N4BP2L2: variants seen among roughly 807,000 people sequenced by gnomAD.
N4BP2L2 encodes NEDD4 binding protein 2 like 2, also known as NEDD4-binding protein 2-like 2.
N4BP2L2 carries 50 observed loss-of-function variants against 56.2 expected under a neutral mutation model. The ratio of observed to expected loss-of-function variants is 0.89; its 90% confidence interval spans 0.71 to 1.13. N4BP2L2 has a LOEUF of 1.13. Ranked by LOEUF, N4BP2L2 falls within the 50% of genes most tolerant of loss-of-function variation. The pLI is 0.00. For missense variants in N4BP2L2, 689 were observed against 693.8 expected (o/e 0.99, Z 0.08); for synonymous variants, 203 against 223.6 (o/e 0.91, Z 0.82).
At chr13:32,489,851 GCTCA>G (rs1014021403) in intron 6 of N4BP2L2, among the ~76,000 whole-genome samples, 2 of 150,950 alleles carry the variant, frequency 1.3e-5, no homozygotes, top group South Asian at 2.1e-4. Flanking sequence ...GATACCTACT[GCTCA>G]CTAAGAAAAA....
chr13:32,463,456 G>C (rs1481992049), intron 6 of N4BP2L2, among the ~76,000 whole-genome samples: 1 of 152,010 alleles, frequency 6.6e-6, no homozygotes, highest in Non-Finnish European at 1.5e-5. Flanking sequence ...CTGAGGTCAG[G>C]AGTTCAAGAC....
At chr13:32,530,821 G>T (rs2054541391) in intron 2 of N4BP2L2, among the ~76,000 whole-genome samples, 1 of 150,842 alleles carries the variant, frequency 6.6e-6, no homozygotes, top group Non-Finnish European at 1.5e-5. Context: ...CAGTATGCTT[G>T]GATTTAGTCC....
intron 6 of N4BP2L2, among the ~76,000 whole-genome samples, chr13:32,450,630 G>GT (rs1278717825): frequency 1.5e-5 from 1 of 67,482 alleles, no homozygotes; most frequent in Non-Finnish European, 2.5e-5. Context: ...GGCTTTTTTT[G>GT]TTTTTGTTTT....
intron 6 of N4BP2L2, among the ~76,000 whole-genome samples, chr13:32,465,302 G>A (rs1272541473): frequency 1.3e-5 from 2 of 152,014 alleles, no homozygotes; most frequent in African/African-American, 2.4e-5. Flanking sequence ...GTTGGTGGGG[G>A]TATAAAAAAG....
At chr13:32,454,771 C>G (rs892792843) in intron 6 of N4BP2L2, among the ~76,000 whole-genome samples, 4 of 152,122 alleles carry the variant, frequency 2.6e-5, no homozygotes, top group Non-Finnish European at 4.4e-5. Context: ...AAAGAAGACT[C>G]AAAATAACAA....
chr13:32,522,393 T>G, intron 3 of N4BP2L2, 123 bp from the exon 4 acceptor site: 6 of 528,818 alleles, frequency 1.1e-5, no homozygotes, highest in East Asian at 6.9e-5. Context: ...GTGCAATCTC[T>G]TCAGTCAGTA....
intron 6 of N4BP2L2, among the ~76,000 whole-genome samples, chr13:32,468,836 G>C (rs1453199645): frequency 6.6e-6 from 1 of 152,230 alleles, no homozygotes; most frequent in Non-Finnish European, 1.5e-5. Context: ...ATAGACAGGG[G>C]AGAGCCAGCT....
intron 8 of N4BP2L2, chr13:32,436,437 T>C (rs981068544): frequency 9.8e-7 from 1 of 1,019,742 alleles, no homozygotes; most frequent in Non-Finnish European, 1.4e-6. Flanking sequence ...CATAAAATAT[T>C]AATATTTGGC....
At chr13:32,536,965 T>C in exon 2 of N4BP2L2, 1 of 1,612,692 alleles carries the variant, frequency 6.2e-7, no homozygotes, top group Non-Finnish European at 8.5e-7. Context: ...TTTTACAGCG[T>C]GGCTCACTCG....
At chr13:32,524,954 G>C (rs1003202559) in intron 3 of N4BP2L2, 1 of 152,186 alleles carries the variant, frequency 6.6e-6, no homozygotes, top group Non-Finnish European at 1.5e-5. Context: ...GTAGAGATGG[G>C]GTTTCATCAT....
chr13:32,483,990 GA>G (rs11424749), intron 6 of N4BP2L2, among the ~76,000 whole-genome samples: 156 of 118,804 alleles, frequency 1.3e-3, no homozygotes, highest in Middle Eastern at 5.1e-3. Context: ...ATCTAAAAAA[GA>G]AAAAAAAAAA....
intron 7 of N4BP2L2, among the ~76,000 whole-genome samples, chr13:32,439,923 A>C (rs1566012341): frequency 6.6e-6 from 1 of 151,124 alleles, no homozygotes; most frequent in Non-Finnish European, 1.5e-5. Flanking sequence ...CTACTTGGGA[A>C]GCTGAGGCAG....
At chr13:32,460,423 A>G (rs1288066689) in intron 6 of N4BP2L2, among the ~76,000 whole-genome samples, 2 of 152,192 alleles carry the variant, frequency 1.3e-5, no homozygotes, top group Non-Finnish European at 1.5e-5. Flanking sequence ...CTCTACCACA[A>G]AATTCTTAAT....
chr13:32,461,628 G>T (rs56666946), intron 6 of N4BP2L2, among the ~76,000 whole-genome samples: 8,738 of 152,040 alleles, frequency 0.057, 850 homozygotes, highest in African/African-American at 0.2. Flanking sequence ...TAGAGACAGG[G>T]TCTCACTCTG....
At chr13:32,483,176 C>T (rs2085134805) in intron 6 of N4BP2L2, among the ~76,000 whole-genome samples, 1 of 152,184 alleles carries the variant, frequency 6.6e-6, no homozygotes, top group African/African-American at 2.4e-5. Flanking sequence ...TAGCCAGAGG[C>T]TATAATTCAC....
chr13:32,489,878 T>C (rs2139310434), intron 6 of N4BP2L2, among the ~76,000 whole-genome samples: 1 of 152,110 alleles, frequency 6.6e-6, no homozygotes, highest in South Asian at 2.1e-4. Flanking sequence ...TACAGCTAAA[T>C]ATAATTTTAT....
chr13:32,517,305 A>G (rs1442722991), exon 6 of N4BP2L2: 1 of 987,172 alleles, frequency 1.0e-6, no homozygotes, highest in African/African-American at 1.7e-5. Flanking sequence ...TAGCTAAGAA[A>G]TAATTTTGTC....
intron 9 of N4BP2L2, chr13:32,433,102 C>G (rs977499975): frequency 6.6e-6 from 1 of 152,218 alleles, no homozygotes; most frequent in African/African-American, 2.4e-5. Flanking sequence ...GCTGTCCCCA[C>G]AGTCTACACT....
At chr13:32,432,802 T>G (rs1033127789) in exon 10 of N4BP2L2, 15 of 152,134 alleles carry the variant, frequency 9.9e-5, no homozygotes, top group Admixed American at 4.6e-4. Flanking sequence ...CTCTGTTGAG[T>G]TTTTTTATTA....
Sources: gnomAD v4.1 joint callset for allele counts (sites outside exome capture counted in the v4.1 genomes callset) on GRCh38, gnomAD v4.1.1 for gene constraint, MANE v1.5 for transcripts, NCBI Gene and HGNC (gene_info 2026-07-23, HGNC 2026-07-21) for gene names.